STAB1: variants seen among roughly 807,000 people sequenced by gnomAD.
STAB1 encodes the protein stabilin 1, also known as stabilin-1.
Under a neutral mutation model 332.4 loss-of-function variants are expected in STAB1, and 250 were observed. The observed-to-expected ratio is 0.75, with a 90% CI of 0.68 to 0.84. The LOEUF (loss-of-function observed/expected upper bound fraction) is 0.84. STAB1 is among the 40% of genes least tolerant of loss of function. The pLI, the probability that STAB1 is intolerant of heterozygous loss-of-function variation, is 0.00. For missense variants in STAB1, 3,249 were observed against 3,489.7 expected, an observed-to-expected ratio of 0.93 and a Z score of 1.74; for synonymous variants, 1,475 against 1,390.4, an observed-to-expected ratio of 1.06 and a Z score of -1.35.
chr3:52,512,873 G>A lies in STAB1; in HGVS notation c.3073G>A (p.Val1025Met). The A allele has an allele frequency of 6.2e-7, 1 of 1,611,608 alleles. No homozygotes were observed. The highest frequency in any genetic ancestry group is 8.5e-7 in the Non-Finnish European group (1 of 1,179,914). The change falls in exon 29 of 69, where the codon GTG (valine) becomes ATG (methionine). Residue 1025 changes from valine to methionine, a missense_variant. Val to Met is a conservative substitution (Grantham distance 21). Transcript: ENST00000321725. ...TGCCGACCGCCGAGTCACAGCCCTG[G>A]TGCCCTCCGAGGCTGCAGTCCGTCA... is the stretch of plus-strand genomic sequence containing the variant. The part of the protein sequence containing the change: ...LPADRRVTAL[V>M]PSEAAVRQLS...
intron 1 of STAB1, among the ~76,000 whole-genome samples, chr3:52,497,657 C>T (rs896716153): frequency 3.3e-5 from 5 of 151,976 alleles, no homozygotes; most frequent in African/African-American, 1.2e-4. Context: ...AGGTGATCTA[C>T]CCTCTTCGGC....
intron 1 of STAB1, among the ~76,000 whole-genome samples, chr3:52,497,728 A>G (rs1578339251): frequency 6.6e-6 from 1 of 152,152 alleles, no homozygotes; most frequent in African/African-American, 2.4e-5. Context: ...TCCATTTTAT[A>G]CCAGGGACTT....
rs1368777564 is a variant in STAB1 at position 52,502,706 on chromosome 3, A to T, written c.562A>T (p.Thr188Ser). The T allele has an allele frequency of 1.9e-6, 3 of 1,613,488 alleles. No individual in the cohort carries two copies. The highest frequency in any genetic ancestry group is 2.5e-6 in the Non-Finnish European group (3 of 1,179,754). ...AAGCTGCCTGTGCTTTGCTGGATAC[A>T]CTGGCCCCCACTGTGATCAAGGTGA... Reference protein sequence around the residue: ...DGSCLCFAGYTGPHCDQELPV... With the variant: ...DGSCLCFAGYSGPHCDQELPV... The change falls in exon 6 of 69, where the codon ACT (threonine) becomes TCT (serine). Residue 188 changes from threonine to serine, a missense_variant. Thr to Ser is a moderately conservative substitution (Grantham distance 58, BLOSUM62 1). Coordinates refer to ENST00000321725, the MANE Select transcript of STAB1 (RefSeq NM_015136.3).
chr3:52,524,083 C>T lies in STAB1; in HGVS notation c.7543-17C>T. The T allele has an allele frequency of 6.2e-7, 1 of 1,613,234 alleles. No homozygotes were observed. The highest frequency in any genetic ancestry group is 8.5e-7 in the Non-Finnish European group (1 of 1,179,998). On this transcript the variant is annotated splice_polypyrimidine_tract_variant and intron_variant, in intron 67 of 68. Transcript: ENST00000321725. ...TCGCTTGAGGCGCCTCGCCACTCAC[C>T]CCTCTGCTGCTCCCAGGCGGAAGAT...
At position 52,505,664 on chromosome 3, in the gene STAB1, A is replaced by C; in HGVS notation, c.1582-4A>C. 1 of 1,613,206 alleles carries C rather than the reference A, an allele frequency of 6.2e-7. No individual in the cohort carries two copies. The highest frequency in any genetic ancestry group is 8.5e-7 in the Non-Finnish European group (1 of 1,179,970). On this transcript the variant is annotated splice_polypyrimidine_tract_variant and splice_region_variant and intron_variant, in intron 14 of 68. Transcript: ENST00000321725. ...CCCCCTGAGCCTCCCTTGCACCACC[A>C]CAGAACTGTGGGCTGCCCTCCATCC...
chr3:52,513,330 C>T, intron 30 of STAB1, 89 bp downstream of exon 30: 4 of 1,325,856 alleles, frequency 3.0e-6, no homozygotes, highest in Non-Finnish European at 4.1e-6. Flanking sequence ...ATCAGGGGCC[C>T]CATGGGATGA....
At chr3:52,514,547 A>G in intron 34 of STAB1, 51 bp downstream of exon 34, 4 of 1,529,880 alleles carry the variant, frequency 2.6e-6, no homozygotes, top group Non-Finnish European at 3.5e-6. Flanking sequence ...CTACCCCTGA[A>G]GATCCCTTCC....
chr3:52,523,200 TTC>T lies in STAB1; in HGVS notation c.7021-20_7021-19del, dbSNP rs1306066963. The T allele has an allele frequency of 6.2e-7, 1 of 1,612,726 alleles. No individual in the cohort carries two copies. Among genetic ancestry groups the T allele is most frequent in the African/African-American group, 1.3e-5 (1 of 74,914 alleles). On this transcript the variant is annotated intron_variant, in intron 63 of 68. Transcript: ENST00000321725. ...CCCCGAGGAGGGAGCCTGCTCATAG[TTC>T]TGTCTTTCCACCGTGCCAGATGCTA...
chr3:52,518,116 C>G, intron 45 of STAB1, 113 bp downstream of exon 45: 1 of 1,513,820 alleles, frequency 6.6e-7, no homozygotes, highest in South Asian at 1.3e-5. Flanking sequence ...GACCATGACA[C>G]TGAGCCTGAC....
chr3:52,498,453 TGTG>T (rs1236936752), intron 1 of STAB1, among the ~76,000 whole-genome samples: 4 of 152,242 alleles, frequency 2.6e-5, no homozygotes, highest in African/African-American at 9.6e-5. Context: ...GCCCCTCGGC[TGTG>T]GTCTCGGAGA....
chr3:52,516,534 C>G lies in STAB1; in HGVS notation c.4241-8C>G. The stretch of plus-strand genomic sequence containing the variant: ...CTGAATGACCAGAGTCATCCTCCTG[C>G]CCCCCAGAAATCACCAGCCCTCAGT... On this transcript the variant is annotated splice_region_variant and splice_polypyrimidine_tract_variant and intron_variant, in intron 39 of 68. Transcript: ENST00000321725. 1 of 1,613,306 alleles carries G rather than the reference C, an allele frequency of 6.2e-7. No homozygotes were observed. Among genetic ancestry groups the G allele is most frequent in the Middle Eastern group, 1.7e-4 (1 of 6,048 alleles).
intron 18 of STAB1, 145 bp downstream of exon 18, chr3:52,506,995 C>T (rs773149344): frequency 1.4e-5 from 15 of 1,100,876 alleles, no homozygotes; most frequent in Non-Finnish European, 1.8e-5. Flanking sequence ...CAAGGACCCA[C>T]CTGTGCTTCC....
chr3:52,504,172 CTTG>C lies in STAB1; in HGVS notation c.1150+18_1150+20del, dbSNP rs1708669492. The C allele has an allele frequency of 6.3e-7, 1 of 1,577,334 alleles. No homozygotes were observed. Among genetic ancestry groups the C allele is most frequent in the African/African-American group, 1.3e-5 (1 of 74,282 alleles). On this transcript the variant is annotated intron_variant, in intron 10 of 68. Transcript: ENST00000321725. ...CCATGATGGGTGCGTGACCCCACTG[CTTG>C]CCCACGACCCGACCCCTCACCCCCA...
At position 52,504,867 on chromosome 3, in the gene STAB1, C is replaced by T. The variant is rs1401865581; in HGVS notation, c.1368C>T (p.Asn456=). The T allele has an allele frequency of 6.2e-7, 1 of 1,613,700 alleles. No homozygotes were observed. The highest frequency in any genetic ancestry group is 1.7e-5 in the Admixed American group (1 of 60,020). Residue 456 remains asparagine (N), a synonymous_variant, in exon 12 of 69, where the codon AAC becomes AAT. Transcript: ENST00000321725. ...LAGQEITVTF[N]QFTKYSYKYK... ...GGCAGGAGATCACCGTCACCTTTAACCAATTCACGGTGAGGGAGGAGCCTC... is the reference window on the plus strand; with the variant it reads ...GGCAGGAGATCACCGTCACCTTTAATCAATTCACGGTGAGGGAGGAGCCTC...
At chr3:52,499,658 G>C (rs1295875764) in intron 1 of STAB1, among the ~76,000 whole-genome samples, 2 of 152,054 alleles carry the variant, frequency 1.3e-5, no homozygotes, top group East Asian at 3.9e-4. Context: ...CCAGCACTTT[G>C]GGAGGCCGAG....
chr3:52,519,310 A>G lies in STAB1; in HGVS notation c.5081A>G (p.His1694Arg), dbSNP rs1559715388. The change falls in exon 49 of 69, where the codon CAT becomes CGT. Residue 1694 changes from histidine to arginine, a missense_variant. Coordinates refer to ENST00000321725, the MANE Select transcript of STAB1 (RefSeq NM_015136.3). ...TTCGCGCGCGTGGTGAGCAGCGACC[A>G]TGAGGCCGTGAACGGCATCCTGCAC... ...NDFARVVSSDHEAVNGILHFI... is the reference protein window; with the variant it reads ...NDFARVVSSDREAVNGILHFI... 3 of 1,613,070 alleles carry G rather than the reference A, an allele frequency of 1.9e-6. No homozygotes were observed. Among genetic ancestry groups the G allele is most frequent in the Non-Finnish European group, 2.5e-6 (3 of 1,179,982 alleles).
In STAB1 at chr3:52,517,091, G is replaced by A. The variant is rs757159557; in HGVS notation, c.4471G>A (p.Asp1491Asn). ...TCTCQDGYMGDGELCQEINSC... is the reference protein window; with the variant it reads ...TCTCQDGYMGNGELCQEINSC... The stretch of plus-strand genomic sequence containing the variant: ...CACCTGCCAGGATGGCTACATGGGC[G>A]ACGGGGAGCTGTGCCAGGGTGAGAC... The change falls in exon 42 of 69, where the codon GAC (aspartate) becomes AAC (asparagine). Residue 1491 changes from aspartate (D) to asparagine (N), a missense_variant. Transcript: ENST00000321725. 83 of 1,567,806 alleles carry A rather than the reference G, an allele frequency of 5.3e-5. No individual in the cohort carries two copies. Among genetic ancestry groups the A allele is most frequent in the Non-Finnish European group, 5.2e-5 (60 of 1,156,562 alleles).
intron 11 of STAB1, 37 bp from the exon 12 acceptor site, chr3:52,504,702 C>A: frequency 6.2e-7 from 1 of 1,613,426 alleles, no homozygotes; most frequent in East Asian, 2.2e-5. Flanking sequence ...GAGGACTGGC[C>A]CCCCGGCTCA....
chr3:52,503,984 G>C, intron 9 of STAB1, 44 bp from the exon 10 acceptor site: 2 of 1,609,966 alleles, frequency 1.2e-6, no homozygotes, highest in Non-Finnish European at 1.7e-6. Context: ...TGCGGTGGGG[G>C]GGGCCTCAGC....
Sources: allele counts gnomAD v4.1 joint callset (sites outside exome capture counted in the v4.1 genomes callset), GRCh38; gene constraint gnomAD v4.1.1; transcripts MANE v1.5; gene names NCBI Gene and HGNC (gene_info 2026-07-23, HGNC 2026-07-21).